The following SYPL2 variants were observed in gnomAD, a reference collection of about 807,000 sequenced individuals.
SYPL2 encodes synaptophysin-like protein 2.
A neutral mutation model predicts 31.3 loss-of-function variants in SYPL2; 24 were observed. That is an observed-to-expected ratio of 0.77 (90% CI 0.56 to 1.08). The LOEUF is 1.08. SYPL2 is among the 50% of genes least tolerant of loss of function. The pLI is 0.00. For missense variants in SYPL2, 342 were observed against 360.1 expected (o/e 0.95, Z 0.41); for synonymous variants, 144 against 143.1 (o/e 1.01, Z -0.05).
intron 3 of SYPL2, among the ~76,000 whole-genome samples, chr1:109,475,965 G>C (rs1489703376): frequency 6.6e-6 from 1 of 152,214 alleles, no homozygotes; most frequent in African/African-American, 2.4e-5. Context: ...GGTCACACCA[G>C]CTCATACAGA....
chr1:109,474,364 G>C (rs892016665), intron 2 of SYPL2, among the ~76,000 whole-genome samples: 53 of 138,528 alleles, frequency 3.8e-4, no homozygotes, highest in African/African-American at 1.4e-3. Context: ...AGAGGGACAA[G>C]GTCTCATTCT....
chr1:109,469,218 G>C (rs1655748295), intron 2 of SYPL2, among the ~76,000 whole-genome samples: 1 of 152,068 alleles, frequency 6.6e-6, no homozygotes, highest in Non-Finnish European at 1.5e-5. Flanking sequence ...CTCCTGATTG[G>C]AGAAGGAAAA....
Position 109,466,773 on chromosome 1 carries a change from C to A in SYPL2, c.-71C>A. The A allele has an allele frequency of 2.6e-5, 38 of 1,444,328 alleles. No individual in the cohort carries two copies. Among genetic ancestry groups the A allele is most frequent in the Non-Finnish European group, 3.4e-5 (38 of 1,105,018 alleles). 89.5% of individuals were successfully genotyped at this position (1,444,328 alleles called of 1,614,324 possible). ...CCCCGGACCTGCAGCTCCCCGCTCC[C>A]CCGCCGTGTCCGCCGCCTCCCGGCC... On this transcript the variant is annotated 5_prime_UTR_variant, in exon 1 of 6. Transcript: ENST00000369872.
At chr1:109,472,398 T>C (rs1178004076) in intron 2 of SYPL2, among the ~76,000 whole-genome samples, 6 of 150,806 alleles carry the variant, frequency 4.0e-5, no homozygotes, top group Non-Finnish European at 7.4e-5. Context: ...ATGCTTGGCC[T>C]TTTTTCTCTT....
chr1:109,466,991 G>A, intron 1 of SYPL2, 68 bp from the exon 2 acceptor site: 2 of 1,535,674 alleles, frequency 1.3e-6, no homozygotes, highest in Non-Finnish European at 1.7e-6. Flanking sequence ...TGTGAGTGGG[G>A]CAAGGGGACC....
At chr1:109,468,182 G>A (rs1005459550) in intron 2 of SYPL2, among the ~76,000 whole-genome samples, 1 of 152,214 alleles carries the variant, frequency 6.6e-6, no homozygotes, top group African/African-American at 2.4e-5. Context: ...TTGCAGAAGA[G>A]ATTTTAAATT....
chr1:109,471,777 G>A (rs1655841700), intron 2 of SYPL2, among the ~76,000 whole-genome samples: 2 of 151,990 alleles, frequency 1.3e-5, no homozygotes, highest in Non-Finnish European at 2.9e-5. Flanking sequence ...GTGCAGTGGC[G>A]TGATCATAGC....
At position 109,466,721 on chromosome 1, in the gene SYPL2, G is replaced by C. The variant is rs890879039; in HGVS notation, c.-123G>C. On this transcript the variant is annotated 5_prime_UTR_variant, in exon 1 of 6. Coordinates refer to ENST00000369872, the MANE Select transcript of SYPL2 (RefSeq NM_001040709.2). ...GACTCCGGCCCACCGACGGCCGCTC[G>C]CGCTCCGGCCCCGCTCGCCTGCTCT... The C allele has an allele frequency of 2.2e-5, 24 of 1,084,800 alleles. No homozygotes were observed. Among genetic ancestry groups the C allele is most frequent in the Non-Finnish European group, 2.5e-5 (21 of 831,496 alleles). 67.2% of individuals were successfully genotyped at this position (1,084,800 alleles called of 1,614,324 possible).
At chr1:109,479,258 C>A in intron 5 of SYPL2, 120 bp from the exon 6 acceptor site, 3 of 1,118,426 alleles carry the variant, frequency 2.7e-6, no homozygotes, top group South Asian at 1.4e-5. Flanking sequence ...CTTAGTCTTT[C>A]TAGTCCTCTG....
intron 2 of SYPL2, among the ~76,000 whole-genome samples, chr1:109,472,229 A>G (rs1655857886): frequency 6.6e-6 from 1 of 151,522 alleles, no homozygotes; most frequent in Admixed American, 6.6e-5. Context: ...AGATCTTCCC[A>G]CATCAGCCCC....
intron 4 of SYPL2, 58 bp from the exon 5 acceptor site, chr1:109,477,760 A>C (rs1656044015): frequency 5.2e-6 from 8 of 1,541,188 alleles, no homozygotes; most frequent in East Asian, 2.3e-5. Context: ...AGTGGAAAAG[A>C]AGCAAGGGAA....
rs952815030 is a variant in SYPL2 at position 109,476,833 on chromosome 1, C to A, written c.312C>A (p.Thr104=). The change falls in exon 4 of 6, where the codon ACC becomes ACA. Residue 104 remains threonine, a synonymous_variant. Transcript: ENST00000369872. ...PLCDEESSSK[T]MHLMGDFSAP... Reference sequence around the variant, plus strand: ...GCGATGAAGAGTCCAGCTCCAAGACCATGCACCTCATGGGGGACTTCTCTG... The same window carrying A: ...GCGATGAAGAGTCCAGCTCCAAGACAATGCACCTCATGGGGGACTTCTCTG... 1.9e-6 allele frequency: 3 copies of A among 1,614,066 alleles called. No individual in the cohort carries two copies. The African/African-American group carries it at 4.0e-5, about 22-fold the overall frequency.
intron 2 of SYPL2, among the ~76,000 whole-genome samples, chr1:109,469,491 GT>G (rs201527122): frequency 4.0e-5 from 6 of 149,086 alleles, no homozygotes; most frequent in Non-Finnish European, 7.4e-5. Flanking sequence ...TGGAGAACTA[GT>G]TTTTTTTTAA....
intron 2 of SYPL2, among the ~76,000 whole-genome samples, chr1:109,469,370 GT>G (rs35147535): frequency 0.67 from 98,954 of 147,874 alleles, 33,636 homozygotes; most frequent in East Asian, 0.96. Context: ...TTATCTTAGA[GT>G]TTTTTTTTTT....
chr1:109,471,971 T>A (rs1478791179), intron 2 of SYPL2, among the ~76,000 whole-genome samples: 1 of 151,982 alleles, frequency 6.6e-6, no homozygotes, highest in Non-Finnish European at 1.5e-5. Flanking sequence ...CCCAAAGTGT[T>A]GGGATTACAG....
chr1:109,476,474 A>G (rs1221549010), intron 3 of SYPL2, among the ~76,000 whole-genome samples: 4 of 152,166 alleles, frequency 2.6e-5, no homozygotes, highest in Admixed American at 6.5e-5. Flanking sequence ...GAAGAACTAC[A>G]TATATTGCAG....
intron 2 of SYPL2, 181 bp from the exon 3 acceptor site, chr1:109,475,400 C>T (rs1025077050): frequency 6.2e-6 from 5 of 810,056 alleles, no homozygotes; most frequent in African/African-American, 5.2e-5. Context: ...GGTCCAGCAG[C>T]CTGAGGCTGG....
rs932118869 is a variant in SYPL2, at chr1:109,478,359, G to A, written c.648+350G>A. On this transcript the variant is annotated intron_variant, in intron 5 of 5. Transcript: ENST00000369872. This position sits in a 1 kb window ranked among gnomAD's most constrained non-coding sequence, Gnocchi z 4.0. ...TGTGAACACATAAAGGGGAGCCTGG[G>A]GCTGTGGCTGAGCTTGAAGCTGCGA... Among the ~76,000 whole-genome samples the A allele has an allele frequency of 6.6e-6, 1 of 152,180 alleles. No individual in the cohort carries two copies. The highest frequency in any genetic ancestry group is 1.5e-5 in the Non-Finnish European group (1 of 68,038).
In SYPL2 at chr1:109,466,838, GC is replaced by G; in HGVS notation, c.-4del. On this transcript the variant is annotated 5_prime_UTR_variant, in exon 1 of 6. Coordinates refer to ENST00000369872, the MANE Select transcript of SYPL2 (RefSeq NM_001040709.2). ...CCACGCCGCGCCCAGCGCTCGCCGC[GC>G]CAGCATGTCCTCGACCGAGAGCGCC... 1 of 1,508,994 alleles carries G rather than the reference GC, an allele frequency of 6.6e-7. No individual in the cohort carries two copies. Among genetic ancestry groups the G allele is most frequent in the Non-Finnish European group, 8.8e-7 (1 of 1,132,846 alleles). The allele number at this position is 1,508,994 out of a possible 1,614,324, so 93.5% of individuals were successfully genotyped here. A position where few individuals can be genotyped will look rare whatever the true frequency, so the allele number is the denominator to read the frequency against.
Sources: allele counts gnomAD v4.1 joint callset (sites outside exome capture counted in the v4.1 genomes callset), GRCh38; gene constraint gnomAD v4.1.1; non-coding constraint Gnocchi (gnomAD v3.1); transcripts MANE v1.5; gene names NCBI Gene and HGNC (gene_info 2026-07-23, HGNC 2026-07-21).